Variants in POLA1 observed in about 807,000 individuals in gnomAD.
POLA1 encodes DNA polymerase alpha catalytic subunit.
Under a neutral mutation model 124.0 loss-of-function variants are expected in POLA1, and 15 were observed. The ratio of observed to expected loss-of-function variants is 0.12; its 90% CI spans 0.08 to 0.19. The LOEUF (loss-of-function observed/expected upper bound fraction) is 0.19, where lower values mean the gene tolerates loss of function less well. Among genes scored for constraint, POLA1 ranks in the 10% least tolerant of loss-of-function variants. The pLI is 1.00. For missense variants in POLA1, 886 were observed against 1,103.4 expected, an observed-to-expected ratio of 0.80 and a Z score of 2.79; for synonymous variants, 408 against 389.4, an observed-to-expected ratio of 1.05 and a Z score of -0.56.
chrX:24,723,303 T>C (rs1221381382), intron 11 of POLA1, 36 bp downstream of exon 11: 2 of 874,208 alleles, frequency 2.3e-6, no homozygotes, highest in Admixed American at 2.2e-5. Context: ...TTCTCAGTCG[T>C]TGTATCTGCC....
At chrX:24,840,032 G>A (rs2046390513) in intron 32 of POLA1, among the ~76,000 whole-genome samples, 1 of 112,032 alleles carries the variant, frequency 8.9e-6, no homozygotes, top group African/African-American at 3.2e-5. Context: ...TAGGTAACTT[G>A]TAAAATAAGA....
intron 36 of POLA1, among the ~76,000 whole-genome samples, chrX:24,969,886 A>G (rs745618588): frequency 1.8e-5 from 2 of 110,663 alleles, no homozygotes; most frequent in East Asian, 5.7e-4. Context: ...TGTTCTCATC[A>G]TTCAGCTCCC....
At chrX:24,979,667 A>G (rs2048400560) in intron 36 of POLA1, among the ~76,000 whole-genome samples, 1 of 112,351 alleles carries the variant, frequency 8.9e-6, no homozygotes, top group African/African-American at 3.2e-5. Flanking sequence ...GTCAAAAGGC[A>G]CATATCCTGC....
rs1012521060 is a variant in POLA1, at chrX:24,895,433, G to T, written c.4164+7311G>T. On this transcript the variant is annotated intron_variant, in intron 35 of 36. Coordinates refer to ENST00000379068, the MANE Select transcript of POLA1 (RefSeq NM_001330360.2). The stretch of plus-strand genomic sequence containing the variant: ...TCAAAGGGTACAAGATGGAGAAAAG[G>T]CTGAAGGATCCAAAGGATGTGCTTC... Among the ~76,000 whole-genome samples, 5 of 112,444 alleles carry T rather than the reference G, an allele frequency of 4.4e-5. No homozygotes were observed. In the Admixed American group the frequency reaches 4.7e-4, roughly 11 times the overall value.
At chrX:24,830,405 T>G (rs2046245253) in intron 32 of POLA1, among the ~76,000 whole-genome samples, 1 of 111,852 alleles carries the variant, frequency 8.9e-6, no homozygotes, top group African/African-American at 3.3e-5. Flanking sequence ...AATGAGTGAA[T>G]GAATAAGGCT....
rs753591035 is a variant in POLA1, at chrX:24,921,573, C to T, written c.4165-8880C>T. The stretch of plus-strand genomic sequence containing the variant: ...AGTGCCTTCGCATGTAGTAGATTCT[C>T]AGTATGTTAGATAAATGAATAGTTG... On this transcript the variant is annotated intron_variant, in intron 35 of 36. Transcript: ENST00000379068. 4.4e-3 allele frequency among the ~76,000 whole-genome samples: 489 copies of T among 111,758 alleles called. 4 individuals carry two copies. The highest frequency in any genetic ancestry group is 7.3e-3 in the Non-Finnish European group (390 of 53,125).
At chrX:24,734,140 A>G (rs779572111) in intron 17 of POLA1, 38 of 130,366 alleles carry the variant, frequency 2.9e-4, no homozygotes, top group Middle Eastern at 3.4e-3. Flanking sequence ...GGTGTTGGGT[A>G]GAGTCCCTCC....
chrX:24,802,281 C>T (rs2045727336), intron 26 of POLA1, among the ~76,000 whole-genome samples: 1 of 111,163 alleles, frequency 9.0e-6, no homozygotes, highest in Non-Finnish European at 1.9e-5. Flanking sequence ...GCCAAGTTGA[C>T]ACATAAAATT....
At chrX:24,929,247 T>C (rs962170182) in intron 35 of POLA1, among the ~76,000 whole-genome samples, 6 of 111,837 alleles carry the variant, frequency 5.4e-5, no homozygotes, top group Admixed American at 1.9e-4. Context: ...CCATATCCAG[T>C]TGTAGATAGT....
chrX:24,728,718 T>G (rs373320783), intron 15 of POLA1, among the ~76,000 whole-genome samples: 98 of 112,255 alleles, frequency 8.7e-4, no homozygotes, highest in African/African-American at 3.1e-3. Flanking sequence ...ATCAATTGTC[T>G]GTGAGCCAAA....
chrX:24,810,957 T>A (rs1447413760), intron 28 of POLA1, among the ~76,000 whole-genome samples, 157 bp downstream of exon 28: 1 of 111,521 alleles, frequency 9.0e-6, no homozygotes, highest in Admixed American at 9.5e-5. Context: ...CTTTCTTTAT[T>A]ATTTTTTTCT....
intron 28 of POLA1, among the ~76,000 whole-genome samples, chrX:24,811,070 C>T: frequency 9.0e-6 from 1 of 110,939 alleles, no homozygotes; most frequent in East Asian, 2.8e-4. Flanking sequence ...CCGCCTCAGC[C>T]TCCCGAGTAG....
chrX:24,830,674 C>G (rs1185587162), intron 32 of POLA1, among the ~76,000 whole-genome samples: 3 of 111,977 alleles, frequency 2.7e-5, no homozygotes, highest in African/African-American at 9.7e-5. Context: ...TTCTCTCTCT[C>G]ATTCTATTGA....
intron 36 of POLA1, among the ~76,000 whole-genome samples, chrX:24,971,508 G>T (rs1469684339): frequency 8.9e-6 from 1 of 112,393 alleles, no homozygotes; most frequent in Non-Finnish European, 1.9e-5. Context: ...TGTAGCTAGT[G>T]CAAAGCAACA....
chrX:24,790,913 A>G (rs202034613), intron 26 of POLA1, among the ~76,000 whole-genome samples: 33 of 60,177 alleles, frequency 5.5e-4, no homozygotes, highest in Middle Eastern at 8.3e-3. Flanking sequence ...ATGTATATGT[A>G]TATATATATA....
intron 26 of POLA1, among the ~76,000 whole-genome samples, chrX:24,791,652 G>A (rs1411802929): frequency 1.8e-5 from 2 of 112,418 alleles, no homozygotes; most frequent in African/African-American, 6.5e-5. Context: ...CCAAAGTGCT[G>A]GGATTACAGG....
chrX:24,760,985 T>C (rs1932785160), intron 26 of POLA1, among the ~76,000 whole-genome samples: 2 of 112,003 alleles, frequency 1.8e-5, no homozygotes, highest in African/African-American at 6.5e-5. Flanking sequence ...TAAACTTGAA[T>C]GTATGAGTCT....
At position 24,787,593 on chromosome X, in the gene POLA1, A is replaced by T. The variant is rs771325224; in HGVS notation, c.2965-22305A>T. On this transcript the variant is annotated intron_variant, in intron 26 of 36. Transcript: ENST00000379068. Reference sequence around the variant, plus strand: ...TCTTTGTATCTGTTTTTATGCCAGTACCATATTGTTTTGATTACCATAGTT... The same window carrying T: ...TCTTTGTATCTGTTTTTATGCCAGTTCCATATTGTTTTGATTACCATAGTT... Among the ~76,000 whole-genome samples, 37 of 111,660 alleles carry T rather than the reference A, an allele frequency of 3.3e-4. No individual in the cohort carries two copies. The South Asian group carries it at 0.01, about 31-fold the overall frequency.
chrX:24,919,225 C>T (rs1049248253), intron 35 of POLA1, among the ~76,000 whole-genome samples: 2 of 112,122 alleles, frequency 1.8e-5, no homozygotes, highest in Non-Finnish European at 3.8e-5. Flanking sequence ...TTCTAAAGAA[C>T]GTATTCTTCT....
Sources: allele counts gnomAD v4.1 joint callset (sites outside exome capture counted in the v4.1 genomes callset), GRCh38; gene constraint gnomAD v4.1.1; transcripts MANE v1.5; gene names NCBI Gene and HGNC (gene_info 2026-07-23, HGNC 2026-07-21).